IL1RAPL2: variants seen among roughly 807,000 people sequenced by gnomAD.
IL1RAPL2 encodes interleukin 1 receptor accessory protein like 2.
A neutral mutation model predicts 44.1 loss-of-function variants in IL1RAPL2; 3 were observed. The ratio of observed to expected loss-of-function variants is 0.07; its 90% CI spans 0.03 to 0.18. The LOEUF (loss-of-function observed/expected upper bound fraction) is 0.18. Among genes scored for constraint, IL1RAPL2 ranks in the 10% least tolerant of loss-of-function variants. IL1RAPL2 has a pLI of 1.00. For missense variants in IL1RAPL2, 391 were observed against 496.4 expected, an observed-to-expected ratio of 0.79 and a Z score of 2.02; for synonymous variants, 181 against 178.8, an observed-to-expected ratio of 1.01 and a Z score of -0.10.
chrX:105,506,138 G>A (rs1366979402), intron 6 of IL1RAPL2, among the ~76,000 whole-genome samples: 1 of 111,659 alleles, frequency 9.0e-6, no homozygotes, highest in East Asian at 2.8e-4. Context: ...GTGTAAGAAA[G>A]TCTTTCAGGT....
chrX:104,717,053 A>G (rs1490253534), intron 2 of IL1RAPL2, among the ~76,000 whole-genome samples: 3 of 112,458 alleles, frequency 2.7e-5, no homozygotes, highest in Admixed American at 9.4e-5. Flanking sequence ...TGGATAAAGA[A>G]AATGTGGTAC....
intron 2 of IL1RAPL2, among the ~76,000 whole-genome samples, chrX:104,895,300 T>G (rs773479807): frequency 8.9e-6 from 1 of 112,479 alleles, no homozygotes; most frequent in African/African-American, 3.2e-5. Flanking sequence ...GAACCACTAC[T>G]CACTTTAAAG....
intron 6 of IL1RAPL2, among the ~76,000 whole-genome samples, chrX:105,686,441 C>CT (rs2037977235): frequency 1.1e-5 from 1 of 95,102 alleles, no homozygotes; most frequent in East Asian, 3.7e-4. Flanking sequence ...ATAAAACAGA[C>CT]TTTAAACCAA....
intron 2 of IL1RAPL2, among the ~76,000 whole-genome samples, chrX:104,916,382 G>A (rs1467079427): frequency 1.8e-5 from 2 of 111,485 alleles, no homozygotes; most frequent in African/African-American, 6.5e-5. Flanking sequence ...TCTGTTATTG[G>A]TGTATAAGAA....
At chrX:105,640,726 CTATA>C (rs2037561159) in intron 6 of IL1RAPL2, among the ~76,000 whole-genome samples, 3 of 58,539 alleles carry the variant, frequency 5.1e-5, no homozygotes, top group African/African-American at 1.6e-4. Flanking sequence ...ACACACATAT[CTATA>C]TATATAGATA....
intron 5 of IL1RAPL2, among the ~76,000 whole-genome samples, chrX:105,298,037 ATG>A (rs893541697): frequency 2.7e-5 from 3 of 110,959 alleles, no homozygotes; most frequent in African/African-American, 9.8e-5. Context: ...GTTTATATAT[ATG>A]TGTGTGTATC....
chrX:104,880,414 C>A (rs1000004044), intron 2 of IL1RAPL2, among the ~76,000 whole-genome samples: 4 of 111,771 alleles, frequency 3.6e-5, no homozygotes, highest in African/African-American at 1.3e-4. Context: ...GTCTACCATA[C>A]CATAGACCTT....
chrX:105,063,644 G>C (rs2032101642), intron 2 of IL1RAPL2, among the ~76,000 whole-genome samples: 1 of 111,735 alleles, frequency 8.9e-6, no homozygotes, highest in Non-Finnish European at 1.9e-5. Context: ...AAATTGATGA[G>C]TTAGGTATTT....
chrX:105,630,547 A>G (rs1461179664), intron 6 of IL1RAPL2, among the ~76,000 whole-genome samples: 2 of 102,140 alleles, frequency 2.0e-5, no homozygotes, highest in Non-Finnish European at 3.9e-5. Context: ...CCATATAATT[A>G]TCAGAGTTAT....
intron 2 of IL1RAPL2, among the ~76,000 whole-genome samples, chrX:105,095,966 A>G (rs1411504689): frequency 8.9e-6 from 1 of 111,973 alleles, no homozygotes; most frequent in Non-Finnish European, 1.9e-5. Flanking sequence ...TAGTATCCAG[A>G]ATATATCATG....
chrX:105,428,616 C>T (rs1220354743), intron 5 of IL1RAPL2, among the ~76,000 whole-genome samples: 1 of 111,918 alleles, frequency 8.9e-6, no homozygotes, highest in Non-Finnish European at 1.9e-5. Flanking sequence ...CAATTTCCAA[C>T]ATACATAATT....
intron 2 of IL1RAPL2, among the ~76,000 whole-genome samples, chrX:105,093,411 C>T (rs753537313): frequency 5.4e-5 from 6 of 111,117 alleles, no homozygotes; most frequent in Non-Finnish European, 1.1e-4. Context: ...ATAGAGTCTC[C>T]CTGTGTCTCC....
chrX:105,315,575 G>GATAT (rs1416772546), intron 5 of IL1RAPL2, among the ~76,000 whole-genome samples: 1 of 3,855 alleles, frequency 2.6e-4, no homozygotes, highest in Non-Finnish European at 7.2e-4. Context: ...AGAACTAATG[G>GATAT]ATGTATATAT....
rs12841516 is a variant in IL1RAPL2 at position 105,750,488 on chromosome X, T to C, written c.1192+1385T>C. ...TTATTATTATTATTATTATTTCTTG[T>C]AAAGACAGGGTCTCACCTTGTTACC... On this transcript the variant is annotated intron_variant, in intron 9 of 10. Transcript: ENST00000372582. 1.8e-3 allele frequency among the ~76,000 whole-genome samples: 188 copies of C among 104,936 alleles called. 1 individual carries two copies. The highest frequency in any genetic ancestry group is 6.3e-3 in the African/African-American group (182 of 29,016). 91.1% of individuals were successfully genotyped at this position (104,936 alleles called of 115,157 possible). A position where few individuals can be genotyped will look rare whatever the true frequency, so the allele number is the denominator to read the frequency against.
At chrX:104,831,335 A>G (rs1921600300) in intron 2 of IL1RAPL2, among the ~76,000 whole-genome samples, 1 of 111,864 alleles carries the variant, frequency 8.9e-6, no homozygotes, top group African/African-American at 3.2e-5. Flanking sequence ...GCTAGCAAAC[A>G]TTTACTGAGT....
At chrX:105,080,433 A>G (rs1480126851) in intron 2 of IL1RAPL2, among the ~76,000 whole-genome samples, 1 of 112,230 alleles carries the variant, frequency 8.9e-6, no homozygotes, top group Non-Finnish European at 1.9e-5. Context: ...GGTTTTCTGC[A>G]TATGGCTAGC....
Position 105,355,989 on chromosome X carries a change from A to T in IL1RAPL2, c.697+88448A>T, listed in dbSNP as rs910137745. ...GTTTATAGCCTAAAAGGTGCCCCCC[A>T]CCACCGTAAAATACCTGCTTTAAAT... On this transcript the variant is annotated intron_variant, in intron 5 of 10. Transcript: ENST00000372582. 4.5e-5 allele frequency among the ~76,000 whole-genome samples: 5 copies of T among 111,459 alleles called. No homozygotes were observed. The South Asian group carries it at 1.9e-3, about 42-fold the overall frequency.
intron 2 of IL1RAPL2, among the ~76,000 whole-genome samples, chrX:104,911,770 C>T (rs1000362706): frequency 1.8e-5 from 2 of 112,156 alleles, no homozygotes; most frequent in African/African-American, 6.5e-5. Flanking sequence ...TCTCTTGCTA[C>T]TCTGCTCCTT....
intron 2 of IL1RAPL2, among the ~76,000 whole-genome samples, chrX:104,816,474 GTCCT>G (rs1285267386): frequency 8.9e-6 from 1 of 112,066 alleles, no homozygotes; most frequent in Admixed American, 9.5e-5. Flanking sequence ...TCTTTGATTA[GTCCT>G]TCCTTCCTTC....
Sources: gnomAD v4.1 joint callset for allele counts (sites outside exome capture counted in the v4.1 genomes callset) on GRCh38, gnomAD v4.1.1 for gene constraint, MANE v1.5 for transcripts, NCBI Gene and HGNC (gene_info 2026-07-23, HGNC 2026-07-21) for gene names.